C6: variants seen among roughly 807,000 people sequenced by gnomAD.
C6 encodes the protein complement C6.
In C6, 101 loss-of-function variants were observed where a neutral mutation model predicts 112.9. The ratio of observed to expected loss-of-function variants is 0.89; its 90% CI spans 0.76 to 1.06. The LOEUF is 1.06. Among genes scored for constraint, C6 ranks in the 50% least tolerant of loss-of-function variants. The probability of loss-of-function intolerance (pLI) is 0.00; values close to 1 mark genes in which losing one functional copy is unlikely to be tolerated. For synonymous variants in C6, 431 were observed against 384.1 expected (o/e 1.12, Z -1.43); for missense variants, 1,202 against 1,104.6 (o/e 1.09, Z -1.25).
At chr5:41,210,663 A>C (rs1327824819) in intron 1 of C6, among the ~76,000 whole-genome samples, 2 of 152,198 alleles carry the variant, frequency 1.3e-5, no homozygotes, top group African/African-American at 2.4e-5. Flanking sequence ...GCCATCAGAG[A>C]AATGCAGATC....
chr5:41,233,723 G>T (rs891032536), intron 1 of C6, among the ~76,000 whole-genome samples: 1 of 151,930 alleles, frequency 6.6e-6, no homozygotes, highest in Admixed American at 6.6e-5. Context: ...GAATAAAAAA[G>T]ACCTATCTAA....
chr5:41,144,467 A>G (rs1156956555), intron 17 of C6, among the ~76,000 whole-genome samples: 1 of 152,042 alleles, frequency 6.6e-6, no homozygotes, highest in Non-Finnish European at 1.5e-5. Context: ...GGGTCTCATT[A>G]TGTTGCCCAG....
At chr5:41,162,550 A>C (rs1178309191) in intron 9 of C6, among the ~76,000 whole-genome samples, 1 of 152,236 alleles carries the variant, frequency 6.6e-6, no homozygotes, top group African/African-American at 2.4e-5. Flanking sequence ...TTGCCATAAC[A>C]ATTTCCACTA....
At chr5:41,197,981 C>T (rs1750733916) in intron 4 of C6, among the ~76,000 whole-genome samples, 1 of 152,068 alleles carries the variant, frequency 6.6e-6, no homozygotes, top group South Asian at 2.1e-4. Context: ...GCACGTTTTT[C>T]CTATCCATTG....
At chr5:41,250,149 C>T (rs1192088280) in intron 1 of C6, among the ~76,000 whole-genome samples, 1 of 152,142 alleles carries the variant, frequency 6.6e-6, no homozygotes, top group Non-Finnish European at 1.5e-5. Context: ...GGCTTTGCAG[C>T]GTCACACCCT....
chr5:41,260,898 A>G (rs539425632), intron 1 of C6, among the ~76,000 whole-genome samples: 186 of 152,354 alleles, frequency 1.2e-3, no homozygotes, highest in Middle Eastern at 3.4e-3. Context: ...AAATGAAAAC[A>G]TGAACAAGTT....
At chr5:41,253,128 G>A (rs1410050390) in intron 1 of C6, among the ~76,000 whole-genome samples, 1 of 152,216 alleles carries the variant, frequency 6.6e-6, no homozygotes, top group Non-Finnish European at 1.5e-5. Context: ...AGAATGACAT[G>A]TAATTGTTTT....
chr5:41,212,349 C>G (rs62361617), intron 1 of C6, among the ~76,000 whole-genome samples: 2 of 151,824 alleles, frequency 1.3e-5, no homozygotes, highest in Non-Finnish European at 2.9e-5. Context: ...TTAGTGAACT[C>G]GGGGTTTCAC....
rs1057045488 is a variant in C6, at chr5:41,167,215, T to C, written c.1291+5010A>G. Among the ~76,000 whole-genome samples, 51 of 152,116 alleles carry C rather than the reference T, an allele frequency of 3.4e-4. 1 individual carries two copies. The highest frequency in any genetic ancestry group is 1.2e-3 in the African/African-American group (50 of 41,520). On this transcript the variant is annotated intron_variant, in intron 9 of 17. Transcript: ENST00000337836. The stretch of plus-strand genomic sequence containing the variant: ...TATACTTTTATAAATCTAGCAAAAA[T>C]CATAGATTTGAAGGCTAGGGTTTTT...
intron 1 of C6, among the ~76,000 whole-genome samples, chr5:41,252,185 T>C (rs575143068): frequency 1.5e-4 from 23 of 152,352 alleles, no homozygotes; most frequent in African/African-American, 4.6e-4. Context: ...TCCTAAAGCA[T>C]TGGAAAGCAT....
chr5:41,229,366 G>A (rs1360766845), intron 1 of C6, among the ~76,000 whole-genome samples: 1 of 150,608 alleles, frequency 6.6e-6, no homozygotes, highest in Admixed American at 6.6e-5. Context: ...ATAAGTTTCA[G>A]TAAGTTATGT....
intron 17 of C6, among the ~76,000 whole-genome samples, chr5:41,144,335 A>G (rs1745614109): frequency 6.6e-6 from 1 of 151,998 alleles, no homozygotes. Flanking sequence ...TGGCACAATC[A>G]TGGCTCACTG....
intron 1 of C6, among the ~76,000 whole-genome samples, chr5:41,207,008 T>A (rs777118900): frequency 6.6e-6 from 1 of 152,188 alleles, no homozygotes; most frequent in African/African-American, 2.4e-5. Context: ...GGGAAGCCCA[T>A]CAGACTAAAA....
upstream of C6, among the ~76,000 whole-genome samples, chr5:41,214,871 G>A (rs1004813207): frequency 1.3e-5 from 2 of 152,050 alleles, no homozygotes; most frequent in Non-Finnish European, 2.9e-5. Context: ...GCTATGAAGA[G>A]GACAGAGAAG....
intron 1 of C6, among the ~76,000 whole-genome samples, chr5:41,257,288 C>T (rs1186952814): frequency 6.6e-6 from 1 of 152,062 alleles, no homozygotes; most frequent in Non-Finnish European, 1.5e-5. Flanking sequence ...GTTTTCTGTT[C>T]CTGCATTAAT....
chr5:41,254,706 A>G (rs919681621), intron 1 of C6, among the ~76,000 whole-genome samples: 1 of 152,256 alleles, frequency 6.6e-6, no homozygotes, highest in African/African-American at 2.4e-5. Flanking sequence ...AAAGGAAATC[A>G]TAATACAGTG....
At chr5:41,235,895 A>C (rs1253146251) in intron 1 of C6, among the ~76,000 whole-genome samples, 2 of 2,168 alleles carry the variant, frequency 9.2e-4, no homozygotes, top group South Asian at 0.029. Context: ...GTGTCTGTTC[A>C]TGTCCTTCGC....
rs745576343 is a variant in C6 at position 41,161,859 on chromosome 5, C to T, written c.1292G>A (p.Gly431Asp). The T allele has an allele frequency of 2.5e-6, 4 of 1,613,184 alleles. No homozygotes were observed. Among genetic ancestry groups the T allele is most frequent in the Non-Finnish European group, 3.4e-6 (4 of 1,179,480 alleles). The change falls in exon 10 of 18, where the codon GGT (glycine) becomes GAT (aspartate). Residue 431 changes from glycine to aspartate, a missense_variant and splice_region_variant. Coordinates refer to ENST00000337836, the MANE Select transcript of C6 (RefSeq NM_000065.5). ...TTNKLSEKHE[G>D]SFIQGAEKSI... ...TTTCTCTGCTCCCTGTATAAATGAACCTGCAAGGTGTTTCAATAAAAATGC... is the reference window on the plus strand; with the variant it reads ...TTTCTCTGCTCCCTGTATAAATGAATCTGCAAGGTGTTTCAATAAAAATGC...
At chr5:41,230,106 G>A (rs574248728) in intron 1 of C6, among the ~76,000 whole-genome samples, 1 of 151,814 alleles carries the variant, frequency 6.6e-6, no homozygotes, top group African/African-American at 2.4e-5. Flanking sequence ...TCATAATCAC[G>A]TTATCTTTGT....
Sources: allele counts gnomAD v4.1 joint callset (sites outside exome capture counted in the v4.1 genomes callset), GRCh38; gene constraint gnomAD v4.1.1; transcripts MANE v1.5; gene names NCBI Gene and HGNC (gene_info 2026-07-23, HGNC 2026-07-21).